LACTB2: variants seen among roughly 807,000 people sequenced by gnomAD.
LACTB2 encodes endoribonuclease LACTB2.
LACTB2 carries 32 observed loss-of-function variants against 34.8 expected under a neutral mutation model. That is an observed-to-expected ratio of 0.92 (90% CI 0.69 to 1.24). The LOEUF is 1.24. Among genes scored for constraint, LACTB2 ranks in the 50% most tolerant of loss-of-function variants. The probability of loss-of-function intolerance (pLI) is 0.00; values close to 1 mark genes in which losing one functional copy is unlikely to be tolerated. For synonymous variants in LACTB2, 120 were observed against 117.5 expected (o/e 1.02, Z -0.14); for missense variants, 320 against 345.0 (o/e 0.93, Z 0.57).
At chr8:70,664,046 T>TA (rs1818511693) in intron 1 of LACTB2, among the ~76,000 whole-genome samples, 1 of 152,184 alleles carries the variant, frequency 6.6e-6, no homozygotes, top group Non-Finnish European at 1.5e-5. Flanking sequence ...TAATACTCTC[T>TA]AGCCCACCCA....
At chr8:70,665,262 T>C (rs1586791526) in intron 1 of LACTB2, among the ~76,000 whole-genome samples, 1 of 152,180 alleles carries the variant, frequency 6.6e-6, no homozygotes, top group Admixed American at 6.5e-5. Context: ...GGGAAGAGTA[T>C]GGATGAATCT....
chr8:70,661,694 C>T lies in LACTB2; in HGVS notation c.286+40G>A, dbSNP rs112391471. The T allele has an allele frequency of 1.0e-3, 1,579 of 1,554,898 alleles. 20 individuals are homozygous for T. In the African/African-American group the frequency reaches 0.019, roughly 18 times the overall value. Reference sequence around the variant, plus strand: ...ACTGAAATAAATTATTCTCCAAACACGGCTTTCCTCAATGAGCTTAATGAA... The same window carrying T: ...ACTGAAATAAATTATTCTCCAAACATGGCTTTCCTCAATGAGCTTAATGAA... On this transcript the variant is annotated intron_variant, in intron 2 of 6. Transcript: ENST00000276590.
intron 5 of LACTB2, among the ~76,000 whole-genome samples, chr8:70,638,941 T>C (rs188378243): frequency 5.9e-5 from 9 of 152,066 alleles, no homozygotes; most frequent in African/African-American, 2.2e-4. Context: ...GGTTTCACCA[T>C]GTTGGTCAGA....
chr8:70,661,795 C>T lies in LACTB2; in HGVS notation c.225G>A (p.Val75=). 6.2e-7 allele frequency: 1 copy of T among 1,613,662 alleles called. No individual in the cohort carries two copies. Among genetic ancestry groups the T allele is most frequent in the Non-Finnish European group, 8.5e-7 (1 of 1,179,874 alleles). ...CAGAATGATCTCGGTGCCAGTGAGT[C>T]ACTACAATTTCCTGGATTGCTGTGT... ...EFNTAIQEIV[V]THWHRDHSGG... is the part of the protein sequence containing the mutation. The change falls in exon 2 of 7, where the codon GTG becomes GTA. Residue 75 remains valine (V), a synonymous_variant. Transcript: ENST00000276590.
At chr8:70,666,352 CT>C (rs1293474022) in intron 1 of LACTB2, among the ~76,000 whole-genome samples, 4 of 152,092 alleles carry the variant, frequency 2.6e-5, no homozygotes, top group Non-Finnish European at 5.9e-5. Flanking sequence ...TCAGGGAAGA[CT>C]TCCATGAGGA....
intron 3 of LACTB2, among the ~76,000 whole-genome samples, chr8:70,656,918 G>T (rs1388263395): frequency 6.6e-6 from 1 of 152,128 alleles, no homozygotes; most frequent in Non-Finnish European, 1.5e-5. Flanking sequence ...TAAAGGTGAA[G>T]AGCAGTGCAA....
chr8:70,648,901 G>A (rs1034570600), intron 3 of LACTB2, among the ~76,000 whole-genome samples: 1 of 152,038 alleles, frequency 6.6e-6, no homozygotes, highest in East Asian at 1.9e-4. Flanking sequence ...GAAATTTCAG[G>A]ATACAGTGGA....
intron 1 of LACTB2, among the ~76,000 whole-genome samples, chr8:70,668,261 G>A (rs777757333): frequency 5.8e-4 from 88 of 152,256 alleles, no homozygotes; most frequent in Middle Eastern, 6.8e-3. Context: ...CATTATCTGG[G>A]TTCATCCAGT....
intron 3 of LACTB2, among the ~76,000 whole-genome samples, chr8:70,655,392 G>T (rs1818398149): frequency 6.6e-6 from 1 of 151,826 alleles, no homozygotes; most frequent in Non-Finnish European, 1.5e-5. Context: ...GCTAATTTTT[G>T]TATTTTTTTA....
chr8:70,645,356 G>A (rs1056318198), intron 3 of LACTB2, among the ~76,000 whole-genome samples: 8 of 152,136 alleles, frequency 5.3e-5, no homozygotes, highest in African/African-American at 1.9e-4. Flanking sequence ...ACTTTTCAAA[G>A]ACAAGTATTT....
At chr8:70,660,248 C>G (rs1339615776) in intron 2 of LACTB2, 1 of 260,212 alleles carries the variant, frequency 3.8e-6, no homozygotes, top group African/African-American at 2.3e-5. Context: ...ACCACCGTCC[C>G]TGGCATAAAA....
At chr8:70,657,651 G>A (rs114025231) in intron 3 of LACTB2, 105 bp downstream of exon 3, 41 of 1,121,016 alleles carry the variant, frequency 3.7e-5, no homozygotes, top group Non-Finnish European at 4.6e-5. Flanking sequence ...GGGCTCAAAC[G>A]ATCTTCCCAT....
intron 2 of LACTB2, chr8:70,660,524 A>G (rs951144122): frequency 2.3e-6 from 1 of 434,364 alleles, no homozygotes; most frequent in South Asian, 1.6e-5. Flanking sequence ...GATCTTTACA[A>G]ATGTTTAAAA....
intron 2 of LACTB2, among the ~76,000 whole-genome samples, chr8:70,658,421 T>A (rs1391949175): frequency 6.6e-6 from 1 of 152,130 alleles, no homozygotes; most frequent in African/African-American, 2.4e-5. Context: ...ATAAATTAAT[T>A]AACCAATTAA....
Position 70,669,044 on chromosome 8 carries a change from A to C in LACTB2, c.77T>G (p.Met26Arg). The change falls in exon 1 of 7, where the codon ATG becomes AGG. Residue 26 changes from methionine to arginine, a missense_variant. Transcript: ENST00000276590. The part of the protein sequence containing the change: ...VRVLGCNPGP[M>R]TLQGTNTYLV... ...GTAGGTGTTGGTGCCTTGGAGGGTC[A>C]TGGGACCCGGGTTACAGCCCAACAC... is the stretch of plus-strand genomic sequence containing the variant. The C allele has an allele frequency of 1.9e-6, 3 of 1,610,422 alleles. No individual in the cohort carries two copies. Among genetic ancestry groups the C allele is most frequent in the Non-Finnish European group, 2.5e-6 (3 of 1,178,650 alleles).
At chr8:70,668,849 G>GC in intron 1 of LACTB2, 150 bp downstream of exon 1, 1 of 966,108 alleles carries the variant, frequency 1.0e-6, no homozygotes, top group African/African-American at 1.8e-5. Flanking sequence ...CCGAGTGTCT[G>GC]CGTGCAGTCC....
chr8:70,659,184 A>G (rs1818451712), intron 2 of LACTB2, among the ~76,000 whole-genome samples: 1 of 152,140 alleles, frequency 6.6e-6, no homozygotes, highest in Non-Finnish European at 1.5e-5. Context: ...TGCCTTTTAC[A>G]AAATAGGAGA....
At chr8:70,662,144 G>C (rs574845051) in intron 1 of LACTB2, 15 of 303,526 alleles carry the variant, frequency 4.9e-5, no homozygotes, top group Admixed American at 1.9e-4. Flanking sequence ...CATTTACATA[G>C]CAATTAAAAT....
intron 3 of LACTB2, chr8:70,646,556 C>T (rs1818266402): frequency 6.7e-6 from 1 of 149,594 alleles, no homozygotes; most frequent in Non-Finnish European, 1.5e-5. Context: ...TTTATAAATT[C>T]TACCCTATAT....
Sources: gnomAD v4.1 joint callset for allele counts (sites outside exome capture counted in the v4.1 genomes callset) on GRCh38, gnomAD v4.1.1 for gene constraint, MANE v1.5 for transcripts, NCBI Gene and HGNC (gene_info 2026-07-23, HGNC 2026-07-21) for gene names.